Variants in CSMD1 observed in about 807,000 individuals in gnomAD.
The protein encoded by CSMD1 is CUB and sushi domain-containing protein 1.
In CSMD1, 213 loss-of-function variants were observed where a neutral mutation model predicts 417.5. The observed-to-expected ratio is 0.51, with a 90% CI of 0.46 to 0.57. The LOEUF is 0.57. Ranked by LOEUF, CSMD1 falls within the 20% of genes least tolerant of loss-of-function variation. The probability of loss-of-function intolerance (pLI) is 0.00; values close to 1 mark genes in which losing one functional copy is unlikely to be tolerated. For synonymous variants in CSMD1, 2,862 were observed against 1,736.8 expected (o/e 1.65, Z -16.11); for missense variants, 6,923 against 4,529.7 (o/e 1.53, Z -15.17).
rs1398358532 is a variant in CSMD1, at chr8:4,761,904, TATCTATCA to T, written c.86-124354_86-124347del. On this transcript the variant is annotated intron_variant, in intron 1 of 69. Coordinates refer to ENST00000635120, the MANE Select transcript of CSMD1 (RefSeq NM_033225.6). ...CTATCTATCTACCTACCTATCTATC[TATCTATCA>T]ATCTATCTATCTATCTATCTATCTA... Among the ~76,000 whole-genome samples the T allele has an allele frequency of 9.1e-3, 828 of 91,488 alleles. 6 individuals are homozygous for T. Among genetic ancestry groups the T allele is most frequent in the Middle Eastern group, 0.025 (4 of 160 alleles). 60.0% of individuals were successfully genotyped at this position (91,488 alleles called of 152,430 possible).
intron 1 of CSMD1, among the ~76,000 whole-genome samples, chr8:4,804,240 C>T (rs1457178): frequency 0.87 from 132,295 of 152,082 alleles, 57,680 homozygotes; most frequent in East Asian, 0.97. Context: ...AATACACCTT[C>T]TAAAGCTCCA....
chr8:3,996,513 C>T (rs150121371), intron 5 of CSMD1, among the ~76,000 whole-genome samples: 8 of 152,046 alleles, frequency 5.3e-5, no homozygotes, highest in African/African-American at 1.9e-4. Context: ...TTGCTTTTGG[C>T]AGAACCTGTG....
intron 5 of CSMD1, among the ~76,000 whole-genome samples, chr8:3,835,914 T>C (rs1468395402): frequency 6.6e-6 from 1 of 152,050 alleles, no homozygotes; most frequent in Non-Finnish European, 1.5e-5. Flanking sequence ...TTTTTCAACA[T>C]ATTTTCTCCG....
chr8:3,710,141 T>C (rs1256173916), intron 6 of CSMD1, among the ~76,000 whole-genome samples: 2 of 152,074 alleles, frequency 1.3e-5, no homozygotes, highest in African/African-American at 2.4e-5. Flanking sequence ...TTTCCTGATA[T>C]TTTTAGGCTA....
rs969642267 is a variant in CSMD1, at chr8:4,184,852, C to G, written c.416-152753G>C. 2.0e-5 allele frequency among the ~76,000 whole-genome samples: 3 copies of G among 152,086 alleles called. No homozygotes were observed. In the South Asian group the frequency reaches 6.2e-4, roughly 32 times the overall value. ...CCCCTGAATTTAAAATACCCCAACA[C>G]TTTCGGAGGCCAAGGTGGGTGGATC... On this transcript the variant is annotated intron_variant, in intron 3 of 69. Transcript: ENST00000635120.
intron 3 of CSMD1, among the ~76,000 whole-genome samples, chr8:4,307,960 C>A (rs1434733520): frequency 6.6e-6 from 1 of 152,102 alleles, no homozygotes. Flanking sequence ...AGAGGAGAGA[C>A]ACACCTGAAG....
intron 2 of CSMD1, among the ~76,000 whole-genome samples, chr8:4,578,255 G>A (rs1799231852): frequency 6.6e-6 from 1 of 151,012 alleles, no homozygotes; most frequent in African/African-American, 2.4e-5. Flanking sequence ...CTGCCTCCCG[G>A]GTTCACGCCA....
At chr8:3,608,689 G>C (rs978510241) in intron 8 of CSMD1, among the ~76,000 whole-genome samples, 1 of 151,092 alleles carries the variant, frequency 6.6e-6, no homozygotes, top group Non-Finnish European at 1.5e-5. Context: ...GCTTGAACTT[G>C]AGAGGTGGAG....
intron 42 of CSMD1, among the ~76,000 whole-genome samples, chr8:3,112,220 G>C (rs1428314990): frequency 6.6e-6 from 1 of 152,162 alleles, no homozygotes; most frequent in African/African-American, 2.4e-5. Flanking sequence ...AGAATAACCA[G>C]AGAGCACTTT....
intron 30 of CSMD1, among the ~76,000 whole-genome samples, chr8:3,212,240 T>G (rs1438339937): frequency 1.3e-5 from 2 of 152,150 alleles, no homozygotes; most frequent in Non-Finnish European, 2.9e-5. Flanking sequence ...TAACTTCCCA[T>G]TCACAAAAGT....
intron 3 of CSMD1, among the ~76,000 whole-genome samples, chr8:4,091,559 G>A (rs984727083): frequency 5.3e-5 from 8 of 152,222 alleles, no homozygotes; most frequent in Non-Finnish European, 8.8e-5. Flanking sequence ...CGTGGCCACC[G>A]CTCCTTTCTA....
At chr8:4,103,437 A>C (rs185793041) in intron 3 of CSMD1, among the ~76,000 whole-genome samples, 1 of 151,184 alleles carries the variant, frequency 6.6e-6, no homozygotes, top group African/African-American at 2.4e-5. Context: ...TGTCTGTTAA[A>C]AAAGGGTACC....
At chr8:4,157,183 G>C (rs116910688) in intron 3 of CSMD1, among the ~76,000 whole-genome samples, 2 of 152,116 alleles carry the variant, frequency 1.3e-5, no homozygotes, top group Non-Finnish European at 2.9e-5. Context: ...TTTGGGACAA[G>C]TGACGATGTA....
At chr8:3,900,403 G>A (rs367864475) in intron 5 of CSMD1, among the ~76,000 whole-genome samples, 2 of 151,064 alleles carry the variant, frequency 1.3e-5, no homozygotes, top group African/African-American at 4.9e-5. Context: ...GTATAGGTGG[G>A]TGACAGGGCA....
chr8:3,975,394 G>A (rs142103366), intron 5 of CSMD1, among the ~76,000 whole-genome samples: 1 of 152,110 alleles, frequency 6.6e-6, no homozygotes. Context: ...GCTACAGTGA[G>A]CATTATTTTT....
intron 2 of CSMD1, among the ~76,000 whole-genome samples, chr8:4,492,435 A>G (rs1371314181): frequency 6.6e-6 from 1 of 152,208 alleles, no homozygotes; most frequent in Non-Finnish European, 1.5e-5. Context: ...AGGTGAACTC[A>G]AATTATATTT....
rs112629413 is a variant in CSMD1 at position 3,277,912 on chromosome 8, A to G, written c.4153+6232T>C. Among the ~76,000 whole-genome samples the G allele has an allele frequency of 3.4e-3, 514 of 152,362 alleles. 7 individuals are homozygous for G. The highest frequency in any genetic ancestry group is 0.012 in the African/African-American group (500 of 41,590). On this transcript the variant is annotated intron_variant, in intron 26 of 69. Coordinates refer to ENST00000635120, the MANE Select transcript of CSMD1 (RefSeq NM_033225.6). ...CCCTACAAAAGTGACAATTTTATAC[A>G]GTTCAAATTGGTACACATGAAAAGC...
chr8:3,789,792 G>A (rs976561619), intron 5 of CSMD1, among the ~76,000 whole-genome samples: 1 of 142,760 alleles, frequency 7.0e-6, no homozygotes, highest in African/African-American at 2.6e-5. Flanking sequence ...GTGCAGCGGT[G>A]CTATCTTGGC....
intron 1 of CSMD1, among the ~76,000 whole-genome samples, chr8:4,707,886 C>CAAAAA (rs552510236): frequency 5.1e-4 from 51 of 100,830 alleles, no homozygotes; most frequent in Non-Finnish European, 7.6e-4. Context: ...GACTTTGTTT[C>CAAAAA]AAAAAAAAAA....
Sources: gnomAD v4.1 joint callset for allele counts (sites outside exome capture counted in the v4.1 genomes callset) on GRCh38, gnomAD v4.1.1 for gene constraint, MANE v1.5 for transcripts, NCBI Gene and HGNC (gene_info 2026-07-23, HGNC 2026-07-21) for gene names.